Variants in SLC9A7 observed in about 807,000 individuals in gnomAD.
SLC9A7 encodes solute carrier family 9 member A7.
In SLC9A7, 19 loss-of-function variants were observed where a neutral mutation model predicts 52.6. The ratio of observed to expected loss-of-function variants is 0.36; its 90% confidence interval spans 0.25 to 0.53. The LOEUF is 0.53. Among genes scored for constraint, SLC9A7 ranks in the 20% least tolerant of loss-of-function variants. SLC9A7 has a pLI of 0.91. For missense variants in SLC9A7, 455 were observed against 597.9 expected, an observed-to-expected ratio of 0.76 and a Z score of 2.49; for synonymous variants, 226 against 252.1, an observed-to-expected ratio of 0.90 and a Z score of 0.98.
chrX:46,758,158 C>T (rs1028874382), intron 1 of SLC9A7, among the ~76,000 whole-genome samples: 20 of 111,773 alleles, frequency 1.8e-4, no homozygotes, highest in African/African-American at 6.5e-4. Context: ...CACCACACTT[C>T]ATGCTCTGAC....
rs140879205 is a variant in SLC9A7 at position 46,614,111 on chromosome X, G to A, written c.1824-717C>T. On this transcript the variant is annotated intron_variant, in intron 15 of 16. Coordinates refer to ENST00000616978, the MANE Select transcript of SLC9A7 (RefSeq NM_001257291.2). ...ATGGGGGGCTATTCTGTGTATGGTA[G>A]GATATTGAGCAGCATCCCTGATCTC... Among the ~76,000 whole-genome samples the A allele has an allele frequency of 1.1e-3, 117 of 110,850 alleles. No homozygotes were observed. In the East Asian group the frequency reaches 0.012, roughly 11 times the overall value.
chrX:46,633,882 G>A (rs1331073162), intron 13 of SLC9A7, among the ~76,000 whole-genome samples: 1 of 110,820 alleles, frequency 9.0e-6, no homozygotes, highest in Non-Finnish European at 1.9e-5. Context: ...ATGTTGGCCA[G>A]GCTGGTCTCG....
Position 46,599,566 on chromosome X carries a change from C to T in SLC9A7, c.*7386G>A, listed in dbSNP as rs1942628021. 1 of 112,011 alleles carries T rather than the reference C, an allele frequency of 8.9e-6. No individual in the cohort carries two copies. Among genetic ancestry groups the T allele is most frequent in the African/African-American group, 3.2e-5 (1 of 30,827 alleles). The allele number at this position is 112,011 out of a possible 1,213,427, so 9.2% of individuals were successfully genotyped here. ...AATATCAGTAAAGGGCAGGAACACA[C>T]ATGGCTAGCTTTACAATAGCAATCT... On this transcript the variant is annotated 3_prime_UTR_variant, in exon 17 of 17. Coordinates refer to ENST00000616978, the MANE Select transcript of SLC9A7 (RefSeq NM_001257291.2).
chrX:46,733,762 C>T (rs942946913), intron 1 of SLC9A7, among the ~76,000 whole-genome samples: 7 of 110,040 alleles, frequency 6.4e-5, no homozygotes, highest in African/African-American at 2.0e-4. Flanking sequence ...GGAAAAAACA[C>T]AAAGGAATTA....
chrX:46,649,236 C>A (rs981043493), intron 10 of SLC9A7, among the ~76,000 whole-genome samples: 11 of 111,806 alleles, frequency 9.8e-5, no homozygotes, highest in Non-Finnish European at 2.1e-4. Flanking sequence ...AATTGCTAAT[C>A]CTGCAGTCAA....
intron 16 of SLC9A7, among the ~76,000 whole-genome samples, chrX:46,609,826 G>T (rs764155640): frequency 9.0e-6 from 1 of 111,185 alleles, no homozygotes; most frequent in Non-Finnish European, 1.9e-5. Flanking sequence ...TCAGGAATTC[G>T]AGACCAGCCT....
chrX:46,652,156 A>AT (rs1356411485), intron 8 of SLC9A7, among the ~76,000 whole-genome samples: 1 of 111,593 alleles, frequency 9.0e-6, no homozygotes, highest in Non-Finnish European at 1.9e-5. Context: ...ATACATATAT[A>AT]TTTTTTGAGA....
chrX:46,642,172 C>T (rs373739682), intron 12 of SLC9A7, among the ~76,000 whole-genome samples: 1 of 112,287 alleles, frequency 8.9e-6, no homozygotes, highest in Non-Finnish European at 1.9e-5. Flanking sequence ...TTTCTTCCCC[C>T]CAACCCCAAG....
intron 14 of SLC9A7, among the ~76,000 whole-genome samples, chrX:46,623,321 A>G (rs1279558404): frequency 9.0e-6 from 1 of 111,492 alleles, no homozygotes; most frequent in Non-Finnish European, 1.9e-5. Context: ...TGTGCCGTCC[A>G]CAGAAAAAGC....
At chrX:46,703,084 G>T (rs1231150464) in intron 1 of SLC9A7, among the ~76,000 whole-genome samples, 1 of 112,263 alleles carries the variant, frequency 8.9e-6, no homozygotes, top group Non-Finnish European at 1.9e-5. Flanking sequence ...CTTCTTTTGA[G>T]AAGTGTCTGT....
intron 1 of SLC9A7, chrX:46,725,017 A>C: frequency 2.5e-6 from 1 of 394,076 alleles, no homozygotes; most frequent in Non-Finnish European, 4.5e-6. Flanking sequence ...GAAAAAATAC[A>C]AGAGCAATGT....
chrX:46,725,038 T>C (rs1183537314), intron 1 of SLC9A7: 1 of 436,603 alleles, frequency 2.3e-6, no homozygotes, highest in Admixed American at 3.7e-5. Context: ...AATTAAACTT[T>C]CCTTCAAAGA....
Position 46,669,527 on chromosome X carries a change from G to A in SLC9A7, c.793+80C>T, listed in dbSNP as rs1943983941. Reference sequence around the variant, plus strand: ...CTACATTCTCCCTACTGCAACAAAAGTTAATGATTGCTCTGAACTTTTAAA... The same window carrying A: ...CTACATTCTCCCTACTGCAACAAAAATTAATGATTGCTCTGAACTTTTAAA... On this transcript the variant is annotated intron_variant, in intron 5 of 16. Transcript: ENST00000616978. 3 of 524,033 alleles carry A rather than the reference G, an allele frequency of 5.7e-6. No homozygotes were observed. The South Asian group carries it at 1.4e-4, about 24-fold the overall frequency. 43.2% of individuals were successfully genotyped at this position (524,033 alleles called of 1,213,427 possible).
At chrX:46,641,374 G>A (rs937875886) in intron 12 of SLC9A7, among the ~76,000 whole-genome samples, 7 of 111,862 alleles carry the variant, frequency 6.3e-5, no homozygotes, top group African/African-American at 9.8e-5. Context: ...AGGGGTGGGG[G>A]AGAAAAGGAT....
Position 46,643,217 on chromosome X carries a change from G to A in SLC9A7, c.1616+19C>T. On this transcript the variant is annotated intron_variant, in intron 12 of 16. Transcript: ENST00000616978. ...CGGTGACAACTGACATACTCAATTA[G>A]CCTTGGTTCCAAACCAACCTGATGT... is the stretch of plus-strand genomic sequence containing the variant. The A allele has an allele frequency of 8.4e-7, 1 of 1,195,268 alleles. No homozygotes were observed. The highest frequency in any genetic ancestry group is 1.8e-5 in the South Asian group (1 of 55,269).
intron 3 of SLC9A7, 72 bp downstream of exon 3, chrX:46,679,606 A>T (rs1214046468): frequency 2.4e-6 from 2 of 827,331 alleles, no homozygotes; most frequent in Non-Finnish European, 3.5e-6. Context: ...AAGAAAAATA[A>T]CTAGAAAATT....
intron 16 of SLC9A7, among the ~76,000 whole-genome samples, chrX:46,608,211 TTGG>T (rs2146666373): frequency 8.9e-6 from 1 of 112,546 alleles, no homozygotes; most frequent in African/African-American, 3.2e-5. Flanking sequence ...TCTCCACACC[TTGG>T]CACCTTCCTC....
At chrX:46,695,417 C>T (rs764220980) in intron 1 of SLC9A7, among the ~76,000 whole-genome samples, 1 of 112,232 alleles carries the variant, frequency 8.9e-6, no homozygotes, top group East Asian at 2.8e-4. Flanking sequence ...GTAACACAAA[C>T]GTAAATCCTT....
chrX:46,713,370 G>A (rs180790356), intron 1 of SLC9A7, among the ~76,000 whole-genome samples: 1,598 of 108,699 alleles, frequency 0.015, 29 homozygotes, highest in African/African-American at 0.051. Context: ...GCATGGTGGC[G>A]GGCGCCTGTA....
Sources: allele counts gnomAD v4.1 joint callset (sites outside exome capture counted in the v4.1 genomes callset), GRCh38; gene constraint gnomAD v4.1.1; transcripts MANE v1.5; gene names NCBI Gene and HGNC (gene_info 2026-07-23, HGNC 2026-07-21).